The following TYW1B variants were observed in gnomAD, a reference collection of about 807,000 sequenced individuals.
The protein encoded by TYW1B is tRNA-yW synthesizing protein 1 homolog B.
A neutral mutation model predicts 86.9 loss-of-function variants in TYW1B; 73 were observed. The observed-to-expected ratio is 0.84, with a 90% CI of 0.70 to 1.02. The LOEUF (loss-of-function observed/expected upper bound fraction) is 1.02, where lower values mean the gene tolerates loss of function less well. TYW1B is among the 50% of genes least tolerant of loss of function. The probability of loss-of-function intolerance (pLI) is 0.00; values close to 1 mark genes in which losing one functional copy is unlikely to be tolerated. For missense variants in TYW1B, 637 were observed against 827.4 expected, an observed-to-expected ratio of 0.77 and a Z score of 2.82; for synonymous variants, 248 against 292.8, an observed-to-expected ratio of 0.85 and a Z score of 1.56.
In TYW1B at chr7:72,631,186, C is replaced by G. The variant is rs144272955; in HGVS notation, c.1507-2189G>C. ...AAAAAAAAAAAATCCACAACATTCT[C>G]CAGTCAATAGTCAACACTATTCTTA... On this transcript the variant is annotated intron_variant, in intron 11 of 13. Coordinates refer to ENST00000620995, the MANE Select transcript of TYW1B (RefSeq NM_001145440.3). Among the ~76,000 whole-genome samples, 384 of 152,152 alleles carry G rather than the reference C, an allele frequency of 2.5e-3. 3 individuals are homozygous for G. Among genetic ancestry groups the G allele is most frequent in the African/African-American group, 9.1e-3 (376 of 41,528 alleles).
At chr7:72,716,097 C>G (rs1786777111) in intron 9 of TYW1B, among the ~76,000 whole-genome samples, 1 of 152,198 alleles carries the variant, frequency 6.6e-6, no homozygotes, top group East Asian at 1.9e-4. Context: ...ACCACCATGC[C>G]CGGCTAATTT....
intron 11 of TYW1B, among the ~76,000 whole-genome samples, chr7:72,690,092 A>G (rs1481325856): frequency 6.6e-6 from 1 of 152,256 alleles, no homozygotes; most frequent in Non-Finnish European, 1.5e-5. Context: ...GCAAGAAATT[A>G]TGTTGGTCAT....
chr7:72,620,967 G>A (rs1360231751), intron 12 of TYW1B, among the ~76,000 whole-genome samples: 1 of 152,188 alleles, frequency 6.6e-6, no homozygotes, highest in Non-Finnish European at 1.5e-5. Context: ...GCAGTGAAAA[G>A]CATAACCCAC....
chr7:72,722,251 C>CT (rs1786918050), intron 9 of TYW1B, among the ~76,000 whole-genome samples: 1 of 152,144 alleles, frequency 6.6e-6, no homozygotes, highest in South Asian at 2.1e-4. Flanking sequence ...TCTTTTATTT[C>CT]TTGCAGTACT....
At chr7:72,657,332 C>A (rs577464076) in intron 11 of TYW1B, among the ~76,000 whole-genome samples, 1 of 152,014 alleles carries the variant, frequency 6.6e-6, no homozygotes, top group East Asian at 1.9e-4. Context: ...ATATAGAAAG[C>A]CTATGTGACA....
At chr7:72,799,968 C>T (rs1788376890) in intron 6 of TYW1B, among the ~76,000 whole-genome samples, 1 of 151,938 alleles carries the variant, frequency 6.6e-6, no homozygotes, top group African/African-American at 2.4e-5. Flanking sequence ...CCAGGTTATA[C>T]AATAATCCAT....
chr7:72,609,413 G>T (rs1460065582), intron 13 of TYW1B, among the ~76,000 whole-genome samples: 4 of 152,016 alleles, frequency 2.6e-5, no homozygotes, highest in African/African-American at 9.7e-5. Flanking sequence ...TTAAAAATTA[G>T]CTGGGCATGG....
intron 6 of TYW1B, among the ~76,000 whole-genome samples, chr7:72,780,364 T>A (rs192359355): frequency 6.6e-6 from 1 of 152,242 alleles, no homozygotes; most frequent in African/African-American, 2.4e-5. Flanking sequence ...ATATAGCGAG[T>A]CTCTATAATT....
chr7:72,593,650 G>A lies in TYW1B; in HGVS notation c.1786-17931C>T, dbSNP rs868941971. Among the ~76,000 whole-genome samples the A allele has an allele frequency of 9.6e-4, 146 of 151,440 alleles. 2 individuals are homozygous for A. The highest frequency in any genetic ancestry group is 3.3e-3 in the African/African-American group (135 of 41,302). ...ATCCTGGCTAACACAGTGAAACCCC[G>A]TCTTTACTAAAAATACAAAAAATTA... On this transcript the variant is annotated intron_variant, in intron 13 of 13. Coordinates refer to ENST00000620995, the MANE Select transcript of TYW1B (RefSeq NM_001145440.3).
In TYW1B at chr7:72,828,066, C is replaced by T. The variant is rs1788974124; in HGVS notation, c.4+6G>A. 1 of 1,613,902 alleles carries T rather than the reference C, an allele frequency of 6.2e-7. No homozygotes were observed. The highest frequency in any genetic ancestry group is 1.3e-5 in the African/African-American group (1 of 74,936). On this transcript the variant is annotated splice_donor_region_variant and intron_variant, in intron 1 of 13. Coordinates refer to ENST00000620995, the MANE Select transcript of TYW1B (RefSeq NM_001145440.3). The stretch of plus-strand genomic sequence containing the variant: ...CCCAGGGTCCTTGCCCGCCGAGTGC[C>T]CTTACCCATCCTCCTCAGAGCCGAC...
intron 7 of TYW1B, among the ~76,000 whole-genome samples, chr7:72,767,294 C>T (rs1787787005): frequency 1.3e-5 from 2 of 152,224 alleles, no homozygotes; most frequent in African/African-American, 4.8e-5. Context: ...CATAATCCTC[C>T]TCAATTTTTC....
chr7:72,783,980 G>C (rs1229127136), intron 6 of TYW1B, among the ~76,000 whole-genome samples: 1 of 152,146 alleles, frequency 6.6e-6, no homozygotes, highest in Admixed American at 6.6e-5. Flanking sequence ...GACATACTGA[G>C]ATCCTTCTGC....
At chr7:72,809,509 C>CTAATTGAA in intron 4 of TYW1B, among the ~76,000 whole-genome samples, 1 of 151,850 alleles carries the variant, frequency 6.6e-6, no homozygotes, top group South Asian at 2.1e-4. Flanking sequence ...AAAGATTAGC[C>CTAATTGAA]AGGGGTAGTG....
At chr7:72,701,762 G>A (rs1128732) in intron 10 of TYW1B, among the ~76,000 whole-genome samples, 1,656 of 152,288 alleles carry the variant, frequency 0.011, 17 homozygotes, top group Middle Eastern at 0.024. Flanking sequence ...GGCCACTGAA[G>A]TCTCTGTTTG....
intron 11 of TYW1B, among the ~76,000 whole-genome samples, chr7:72,676,480 C>G (rs1479330147): frequency 1.3e-5 from 2 of 152,142 alleles, no homozygotes; most frequent in Admixed American, 1.3e-4. Flanking sequence ...ACAGCAAACC[C>G]TGAGTGGTAC....
At chr7:72,810,361 TTTA>T (rs1788582396) in intron 4 of TYW1B, 107 bp downstream of exon 4, 1 of 1,127,972 alleles carries the variant, frequency 8.9e-7, no homozygotes, top group African/African-American at 1.6e-5. Flanking sequence ...TACATGTGTG[TTTA>T]TGTGTGTGTA....
At chr7:72,675,552 TATATACACAC>T (rs1467945410) in intron 11 of TYW1B, among the ~76,000 whole-genome samples, 2 of 147,480 alleles carry the variant, frequency 1.4e-5, no homozygotes, top group Non-Finnish European at 3.0e-5. Context: ...TATATATATA[TATATACACAC>T]ATATATATAT....
chr7:72,765,639 T>C (rs1787757695), intron 7 of TYW1B, among the ~76,000 whole-genome samples: 1 of 152,122 alleles, frequency 6.6e-6, no homozygotes, highest in Non-Finnish European at 1.5e-5. Context: ...CTAACTTTTG[T>C]ATTTTTAGTA....
At chr7:72,597,318 T>C (rs1811559304) in intron 13 of TYW1B, among the ~76,000 whole-genome samples, 1 of 151,946 alleles carries the variant, frequency 6.6e-6, no homozygotes, top group South Asian at 2.1e-4. Context: ...GCTAAAGTAG[T>C]ACCTAAAGGG....
Sources: allele counts gnomAD v4.1 joint callset (sites outside exome capture counted in the v4.1 genomes callset), GRCh38; gene constraint gnomAD v4.1.1; transcripts MANE v1.5; gene names NCBI Gene and HGNC (gene_info 2026-07-23, HGNC 2026-07-21).